The following TMEM169 variants were observed in gnomAD, a reference collection of about 807,000 sequenced individuals.
TMEM169 encodes transmembrane protein 169.
TMEM169 carries 18 observed loss-of-function variants against 27.3 expected under a neutral mutation model. That is an observed-to-expected ratio of 0.66 (90% CI 0.46 to 0.98). TMEM169 has a LOEUF of 0.98. Ranked by LOEUF, TMEM169 falls within the 50% of genes least tolerant of loss-of-function variation. The probability of loss-of-function intolerance (pLI) is 0.00; values close to 1 mark genes in which losing one functional copy is unlikely to be tolerated. For missense variants in TMEM169, 320 were observed against 368.6 expected (o/e 0.87, Z 1.08); for synonymous variants, 136 against 142.1 (o/e 0.96, Z 0.30).
At chr2:216,097,629 C>T (rs1696293078) in intron 2 of TMEM169, among the ~76,000 whole-genome samples, 1 of 152,034 alleles carries the variant, frequency 6.6e-6, no homozygotes, top group South Asian at 2.1e-4. Flanking sequence ...TGAGGCAGAT[C>T]TATTTGTGTA....
chr2:216,085,668 C>G (rs1402911323), intron 1 of TMEM169, among the ~76,000 whole-genome samples: 2 of 152,010 alleles, frequency 1.3e-5, no homozygotes, highest in Admixed American at 1.3e-4. Context: ...GTTGGGAGTT[C>G]GAGACCAGCC....
chr2:216,093,545 G>A (rs758027416), intron 1 of TMEM169, among the ~76,000 whole-genome samples: 4 of 152,126 alleles, frequency 2.6e-5, no homozygotes, highest in Non-Finnish European at 4.4e-5. Context: ...ATTTCATCCT[G>A]TGGATCCTAC....
chr2:216,084,486 G>C (rs1574427916), intron 1 of TMEM169, among the ~76,000 whole-genome samples: 1 of 152,224 alleles, frequency 6.6e-6, no homozygotes, highest in Non-Finnish European at 1.5e-5. Context: ...GATTTATCGA[G>C]CATCTATTTG....
intron 2 of TMEM169, among the ~76,000 whole-genome samples, chr2:216,096,495 G>C (rs944835769): frequency 6.6e-6 from 1 of 152,186 alleles, no homozygotes; most frequent in Non-Finnish European, 1.5e-5. Flanking sequence ...CTCCTGAGTA[G>C]CTGGGACTAC....
Position 216,100,624 on chromosome 2 carries a change from A to G in TMEM169, c.*82A>G, listed in dbSNP as rs1274788323. On this transcript the variant is annotated 3_prime_UTR_variant, in exon 3 of 3. Transcript: ENST00000437356. ...TTCCAGCAGATTATTTCTTTAAATTACCCCCTACTCTCCGCAGTTCTTCTG... is the reference window on the plus strand; with the variant it reads ...TTCCAGCAGATTATTTCTTTAAATTGCCCCCTACTCTCCGCAGTTCTTCTG... The G allele has an allele frequency of 6.4e-7, 1 of 1,567,002 alleles. No individual in the cohort carries two copies. The highest frequency in any genetic ancestry group is 1.4e-5 in the African/African-American group (1 of 73,766).
chr2:216,094,502 T>C (rs1427268412), intron 1 of TMEM169, among the ~76,000 whole-genome samples: 2 of 152,172 alleles, frequency 1.3e-5, no homozygotes, highest in Non-Finnish European at 2.9e-5. Context: ...TCAATGGCCA[T>C]TAACGGGCTG....
chr2:216,099,687 A>G lies in TMEM169; in HGVS notation c.272-233A>G, dbSNP rs565759882. On this transcript the variant is annotated intron_variant, in intron 2 of 2. Coordinates refer to ENST00000437356, the MANE Select transcript of TMEM169 (RefSeq NM_001142311.2). This position sits in a 1 kb window ranked among gnomAD's most constrained non-coding sequence, Gnocchi z 5.0. ...GGTGAAAAGCTTAACCTGCCTCACA[A>G]TTTTATCAGGGCCCAGGCACAAGGA... Among the ~76,000 whole-genome samples, 4 of 152,210 alleles carry G rather than the reference A, an allele frequency of 2.6e-5. No individual in the cohort carries two copies. The East Asian group carries it at 7.7e-4, about 29-fold the overall frequency.
Position 216,095,895 on chromosome 2 carries a change from T to C in TMEM169, c.-69T>C. On this transcript the variant is annotated 5_prime_UTR_variant, in exon 2 of 3. An upstream start codon of the reference 5' UTR is lost. Transcript: ENST00000437356. ...CCCCATCTAGGAAGAAGTTCTGTGA[T>C]GTGTGAACTGTGAGTTTACTCAAAC... 14 of 1,528,488 alleles carry C rather than the reference T, an allele frequency of 9.2e-6. No individual in the cohort carries two copies. Among genetic ancestry groups the C allele is most frequent in the Non-Finnish European group, 1.1e-5 (13 of 1,134,306 alleles). The allele number at this position is 1,528,488 out of a possible 1,614,324, so 94.7% of individuals were successfully genotyped here.
chr2:216,096,607 C>T (rs894426017), intron 2 of TMEM169, among the ~76,000 whole-genome samples: 6 of 152,162 alleles, frequency 3.9e-5, no homozygotes, highest in African/African-American at 1.2e-4. Flanking sequence ...TCAAGTGATC[C>T]ACCTGCCTCA....
In TMEM169 at chr2:216,099,481, A is replaced by G. The variant is rs969188433; in HGVS notation, c.272-439A>G. Among the ~76,000 whole-genome samples the G allele has an allele frequency of 1.3e-5, 2 of 151,948 alleles. No homozygotes were observed. The highest frequency in any genetic ancestry group is 4.8e-5 in the African/African-American group (2 of 41,318). ...AGGCATGTGAGGGGCCCCCTCTCAGAAAGCACAGAACTAGGCATGAGAAGG... is the reference window on the plus strand; with the variant it reads ...AGGCATGTGAGGGGCCCCCTCTCAGGAAGCACAGAACTAGGCATGAGAAGG... On this transcript the variant is annotated intron_variant, in intron 2 of 2. Transcript: ENST00000437356. The surrounding 1 kb of genome is among the most constrained non-coding windows in gnomAD (Gnocchi z 5.0).
intron 1 of TMEM169, among the ~76,000 whole-genome samples, chr2:216,093,125 AGTG>A (rs1264256527): frequency 6.9e-6 from 1 of 145,816 alleles, no homozygotes; most frequent in Non-Finnish European, 1.5e-5. Context: ...GTAATAATGA[AGTG>A]TGTGTGTGTG....
chr2:216,096,410 G>C (rs1344449802), intron 2 of TMEM169, among the ~76,000 whole-genome samples, 176 bp downstream of exon 2: 1 of 152,160 alleles, frequency 6.6e-6, no homozygotes, highest in African/African-American at 2.4e-5. Flanking sequence ...TGTCACCCAG[G>C]CTGGAGTGCA....
rs778064464 is a variant in TMEM169, at chr2:216,099,937, C to T, written c.289C>T (p.Leu97=). 1 of 1,613,178 alleles carries T rather than the reference C, an allele frequency of 6.2e-7. No homozygotes were observed. The highest frequency in any genetic ancestry group is 1.7e-5 in the Admixed American group (1 of 59,856). The change falls in exon 3 of 3, where the codon CTG becomes TTG. Residue 97 remains leucine (L), a synonymous_variant. Transcript: ENST00000437356. This position sits in a 1 kb window ranked among gnomAD's most constrained non-coding sequence, Gnocchi z 5.0. The part of the protein sequence containing the change: ...PVDDDMWNLP[L]DSRYVTLTGT... ...CCCTGCAGATATGTGGAACCTGCCTCTGGACAGCCGCTACGTCACCTTAAC... is the reference window on the plus strand; with the variant it reads ...CCCTGCAGATATGTGGAACCTGCCTTTGGACAGCCGCTACGTCACCTTAAC...
intron 1 of TMEM169, among the ~76,000 whole-genome samples, chr2:216,091,657 A>C (rs1011467804): frequency 7.9e-5 from 12 of 152,088 alleles, no homozygotes; most frequent in Admixed American, 7.2e-4. Context: ...TGAACCAGAA[A>C]GTGAGTCCTA....
intron 1 of TMEM169, among the ~76,000 whole-genome samples, chr2:216,093,889 C>T (rs946940930): frequency 2.0e-5 from 3 of 152,158 alleles, no homozygotes; most frequent in Non-Finnish European, 4.4e-5. Flanking sequence ...TATAAATTTG[C>T]TTCAAAATGA....
intron 1 of TMEM169, among the ~76,000 whole-genome samples, chr2:216,095,387 C>T (rs1160256196): frequency 6.6e-6 from 1 of 152,120 alleles, no homozygotes; most frequent in Non-Finnish European, 1.5e-5. Context: ...TGTGCCCAGC[C>T]TACCTGTGGT....
At chr2:216,090,473 T>G (rs922509564) in intron 1 of TMEM169, among the ~76,000 whole-genome samples, 1 of 152,148 alleles carries the variant, frequency 6.6e-6, no homozygotes, top group African/African-American at 2.4e-5. Context: ...CTAGCCTCAT[T>G]CAAGCCTTCA....
chr2:216,096,039 G>T lies in TMEM169; in HGVS notation c.76G>T (p.Ala26Ser). The T allele has an allele frequency of 6.2e-7, 1 of 1,614,240 alleles. No individual in the cohort carries two copies. Among genetic ancestry groups the T allele is most frequent in the South Asian group, 1.1e-5 (1 of 91,088 alleles). ...PHQGSLRKAV[A>S]AALALDGEST... is the part of the protein sequence containing the mutation. ...CCAGGGCTCTCTCAGGAAGGCTGTG[G>T]CTGCTGCCCTGGCGCTGGATGGGGA... The change falls in exon 2 of 3, where the codon GCT becomes TCT. Residue 26 changes from alanine to serine, a missense_variant. Transcript: ENST00000437356.
At chr2:216,090,817 C>G (rs1029465493) in intron 1 of TMEM169, among the ~76,000 whole-genome samples, 6 of 152,172 alleles carry the variant, frequency 3.9e-5, no homozygotes, top group African/African-American at 1.2e-4. Flanking sequence ...ACAGATAATT[C>G]ATATTCTTGT....
Sources: allele counts gnomAD v4.1 joint callset (sites outside exome capture counted in the v4.1 genomes callset), GRCh38; gene constraint gnomAD v4.1.1; non-coding constraint Gnocchi (gnomAD v3.1); transcripts MANE v1.5; gene names NCBI Gene and HGNC (gene_info 2026-07-23, HGNC 2026-07-21).